Variants in PSD2 observed in about 807,000 individuals in gnomAD.
PSD2 encodes the protein PH and SEC7 domain-containing protein 2.
A neutral mutation model predicts 69.8 loss-of-function variants in PSD2; 38 were observed. The observed-to-expected ratio is 0.54, with a 90% confidence interval of 0.42 to 0.71. PSD2 has a LOEUF of 0.71. PSD2 is among the 30% of genes least tolerant of loss of function. PSD2 has a pLI of 0.00. For missense variants in PSD2, 943 were observed against 1,014.5 expected, an observed-to-expected ratio of 0.93 and a Z score of 0.96; for synonymous variants, 412 against 423.0, an observed-to-expected ratio of 0.97 and a Z score of 0.32.
chr5:139,770,603 C>T, the PSD2 span, among the ~76,000 whole-genome samples: 1 of 152,050 alleles, frequency 6.6e-6, no homozygotes, highest in Non-Finnish European at 1.5e-5. Flanking sequence ...CATGAATGGC[C>T]CAGGAACCCT....
Position 139,833,787 on chromosome 5 carries a change from T to C in PSD2, c.1355T>C (p.Leu452Pro). 6.2e-7 allele frequency: 1 copy of C among 1,611,804 alleles called. No homozygotes were observed. The highest frequency in any genetic ancestry group is 8.5e-7 in the Non-Finnish European group (1 of 1,177,886). ...NDGQDFAKDL[L>P]KTLYNSIKNE... ...GGCCAAGACTTTGCCAAAGACCTGC[T>C]GAAGGTACTGTCTGCTGAGTGTCCC... Residue 452 changes from leucine to proline, a missense_variant, in exon 8 of 15, where the codon CTG becomes CCG. By Grantham distance (98) the Leu-to-Pro change is moderately conservative (BLOSUM62 -3). Around this residue, in one of 3 missense-constraint regions of PSD2, gnomAD observed 312 missense variants for 400.7 expected, o/e 0.78. Coordinates refer to ENST00000274710, the MANE Select transcript of PSD2 (RefSeq NM_032289.4).
chr5:139,830,048 G>T (rs984803369), intron 7 of PSD2, among the ~76,000 whole-genome samples: 4 of 148,536 alleles, frequency 2.7e-5, no homozygotes, highest in Non-Finnish European at 5.9e-5. Flanking sequence ...AGTGTAGTGT[G>T]ATCTGGTATG....
At chr5:139,791,638 A>C (rs1016271168), upstream of PSD2, among the ~76,000 whole-genome samples, 1 of 152,190 alleles carries the variant, frequency 6.6e-6, no homozygotes, top group African/African-American at 2.4e-5. Context: ...AAAACAAAAA[A>C]AAAAGAGAAA....
intron 7 of PSD2, among the ~76,000 whole-genome samples, chr5:139,824,167 C>T (rs1170296260): frequency 6.6e-6 from 1 of 152,198 alleles, no homozygotes; most frequent in African/African-American, 2.4e-5. Flanking sequence ...CCTGTCCCCA[C>T]CCCTGGCTGG....
the PSD2 span, among the ~76,000 whole-genome samples, chr5:139,778,358 A>T: frequency 2.0e-5 from 3 of 152,166 alleles, no homozygotes; most frequent in Admixed American, 2.0e-4. Context: ...ATGTCATGGG[A>T]TGGGGTCTCT....
chr5:139,830,565 C>CCTTCCTTCCTTTCTTT (rs1554096354), intron 7 of PSD2, among the ~76,000 whole-genome samples: 39 of 120,406 alleles, frequency 3.2e-4, no homozygotes, highest in African/African-American at 8.5e-4. Context: ...TTCCTTCCTT[C>CCTTCCTTCCTTTCTTT]CTTTCTTTCT....
At chr5:139,790,982 T>TG (rs1209729860), upstream of PSD2, among the ~76,000 whole-genome samples, 4 of 150,894 alleles carry the variant, frequency 2.7e-5, no homozygotes, top group South Asian at 6.4e-4. Flanking sequence ...ACCCAGGAGG[T>TG]GGGGGGTGCA....
the PSD2 span, among the ~76,000 whole-genome samples, chr5:139,773,520 C>T: frequency 6.6e-6 from 1 of 152,178 alleles, no homozygotes; most frequent in Non-Finnish European, 1.5e-5. Flanking sequence ...CTTGGCCTCC[C>T]ATTTTACTTT....
chr5:139,813,044 C>A (rs1760011723), intron 2 of PSD2, among the ~76,000 whole-genome samples: 1 of 152,138 alleles, frequency 6.6e-6, no homozygotes, highest in South Asian at 2.1e-4. Flanking sequence ...CTTCTTAGAG[C>A]ACACCATATT....
chr5:139,836,968 C>CGGA lies in PSD2; in HGVS notation c.1562_1564dup (p.Arg521dup). 1 of 1,613,748 alleles carries CGGA rather than the reference C, an allele frequency of 6.2e-7. No individual in the cohort carries two copies. The highest frequency in any genetic ancestry group is 8.5e-7 in the Non-Finnish European group (1 of 1,179,864). ...CACCTACAAGCACGGCGTCCTGACC[C>CGGA]GGAAGACTCACGCTGACATGGATGG... is the stretch of plus-strand genomic sequence containing the variant. On this transcript the variant is annotated inframe_insertion, in exon 10 of 15. Coordinates refer to ENST00000274710, the MANE Select transcript of PSD2 (RefSeq NM_032289.4).
chr5:139,841,245 C>T (rs2126972758), intron 14 of PSD2, among the ~76,000 whole-genome samples: 1 of 152,210 alleles, frequency 6.6e-6, no homozygotes, highest in East Asian at 1.9e-4. Flanking sequence ...TCAGAGTTTG[C>T]AAATTTTTTT....
At chr5:139,752,926 C>A in the PSD2 span, among the ~76,000 whole-genome samples, 1 of 151,872 alleles carries the variant, frequency 6.6e-6, no homozygotes, top group Non-Finnish European at 1.5e-5. Flanking sequence ...CAGTCTTTGA[C>A]CAACCCCTCC....
At position 139,819,638 on chromosome 5, in the gene PSD2, G is replaced by A. The variant is rs951449684; in HGVS notation, c.1097+2077G>A. 6.6e-5 allele frequency among the ~76,000 whole-genome samples: 10 copies of A among 152,124 alleles called. No individual in the cohort carries two copies. The East Asian group carries it at 9.6e-4, about 15-fold the overall frequency. ...CTGCAGAAGGTCAAACTACCTTCCC[G>A]CAGTTCTCTCCTCTCCAGAATCTTG... On this transcript the variant is annotated intron_variant, in intron 5 of 14. Coordinates refer to ENST00000274710, the MANE Select transcript of PSD2 (RefSeq NM_032289.4).
the PSD2 span, among the ~76,000 whole-genome samples, chr5:139,764,649 G>A: frequency 6.6e-6 from 1 of 152,186 alleles, no homozygotes; most frequent in South Asian, 2.1e-4. Context: ...GAGCCTGGCA[G>A]CCCCTCCCGG....
At chr5:139,791,745 C>T (rs920118112), upstream of PSD2, among the ~76,000 whole-genome samples, 4 of 152,250 alleles carry the variant, frequency 2.6e-5, no homozygotes, top group African/African-American at 9.6e-5. Context: ...CCTCTCCATC[C>T]TTCATGTAAC....
the PSD2 span, among the ~76,000 whole-genome samples, chr5:139,768,055 C>A: frequency 6.6e-6 from 1 of 152,256 alleles, no homozygotes; most frequent in South Asian, 2.1e-4. Flanking sequence ...GCTCAGATAT[C>A]TGGCCCCCCG....
chr5:139,762,569 A>G, the PSD2 span, among the ~76,000 whole-genome samples: 2 of 152,142 alleles, frequency 1.3e-5, no homozygotes, highest in African/African-American at 2.4e-5. Context: ...AGCGCTCAAT[A>G]ATTGTTGCCT....
chr5:139,797,134 T>G (rs1385422702), intron 1 of PSD2, among the ~76,000 whole-genome samples: 1 of 152,034 alleles, frequency 6.6e-6, no homozygotes, highest in African/African-American at 2.4e-5. Flanking sequence ...TTTAGGAACC[T>G]GTCTCCCAGG....
At chr5:139,769,345 A>G in the PSD2 span, among the ~76,000 whole-genome samples, 1 of 152,094 alleles carries the variant, frequency 6.6e-6, no homozygotes, top group African/African-American at 2.4e-5. Flanking sequence ...TCCTGACAGC[A>G]AAAATCCAGA....
Sources: gnomAD v4.1 joint callset for allele counts (sites outside exome capture counted in the v4.1 genomes callset) on GRCh38, gnomAD v4.1.1 for gene constraint, gnomAD v4.1.1 regional missense constraint, MANE v1.5 for transcripts, NCBI Gene and HGNC (gene_info 2026-07-23, HGNC 2026-07-21) for gene names.